Variants in OR9K2 observed in about 807,000 individuals in gnomAD.
OR9K2 encodes the protein olfactory receptor family 9 subfamily K member 2, also known as olfactory receptor 9K2.
Under a neutral mutation model 12.4 loss-of-function variants are expected in OR9K2, and 16 were observed. The observed-to-expected ratio is 1.29, with a 90% CI of 0.87 to 1.95. The LOEUF (loss-of-function observed/expected upper bound fraction) is 1.95. Ranked by LOEUF, OR9K2 falls within the 30% of genes most tolerant of loss-of-function variation. The pLI is 0.00. For missense variants in OR9K2, 434 were observed against 376.5 expected (o/e 1.15, Z -1.26); for synonymous variants, 133 against 133.2 (o/e 1.00, Z 0.01).
rs754482920 is a variant in OR9K2 at position 55,130,763 on chromosome 12, ATAT to A, written c.934_936del (p.Ile312del). 2.6e-6 allele frequency: 4 copies of A among 1,534,116 alleles called. No individual in the cohort carries two copies. In the East Asian group the frequency reaches 9.0e-5, roughly 35 times the overall value. On this transcript the variant is annotated inframe_deletion, in exon 3 of 3. Coordinates refer to ENST00000641329, the MANE Select transcript of OR9K2 (RefSeq NM_001005243.2). ...CTAAAAAAATTTCTAGAGAAGAAAA[ATAT>A]TATTCTTTGATTATTATTTCTCTTT...
In OR9K2 at chr12:55,130,693, A is replaced by G. The variant is rs775311843; in HGVS notation, c.859A>G (p.Asn287Asp). 90 of 1,611,984 alleles carry G rather than the reference A, an allele frequency of 5.6e-5. No homozygotes were observed. Among genetic ancestry groups the G allele is most frequent in the Non-Finnish European group, 7.6e-5 (90 of 1,178,244 alleles). The change falls in exon 3 of 3, where the codon AAT (asparagine) becomes GAT (aspartate). Residue 287 changes from asparagine to aspartate, a missense_variant. Coordinates refer to ENST00000641329, the MANE Select transcript of OR9K2 (RefSeq NM_001005243.2). ...LCYSLVTPML[N>D]PLIYSLRNKD... is the part of the protein sequence containing the mutation. ...TTACTCCCTAGTCACTCCCATGTTG[A>G]ATCCTTTGATTTACTCTCTGAGGAA...
chr12:55,127,071 A>T lies in OR9K2; in HGVS notation c.-10+160A>T, dbSNP rs549718694. ...TGTTACAATGTTTATAACATTTATG[A>T]TATAAATTTATTTTAATAAGTTTGT... is the stretch of plus-strand genomic sequence containing the variant. On this transcript the variant is annotated intron_variant, in intron 2 of 2. Transcript: ENST00000641329. Among the ~76,000 whole-genome samples the T allele has an allele frequency of 1.2e-4, 18 of 152,110 alleles. No homozygotes were observed. The South Asian group carries it at 3.3e-3, about 28-fold the overall frequency.
chr12:55,130,003 C>A lies in OR9K2; in HGVS notation c.169C>A (p.Arg57=), dbSNP rs764451872. 1 of 1,613,626 alleles carries A rather than the reference C, an allele frequency of 6.2e-7. No individual in the cohort carries two copies. The highest frequency in any genetic ancestry group is 1.3e-5 in the African/African-American group (1 of 74,886). Residue 57 remains arginine (R), a synonymous_variant, in exon 3 of 3, where the codon CGG becomes AGG. Transcript: ENST00000641329. ...GMMTIIMTDP[R]LNTPMYFFLG... ...GATGACCATTATTATGACTGATCCT[C>A]GGCTGAACACACCAATGTATTTTTT...
chr12:55,131,009 G>T lies in OR9K2; in HGVS notation c.*233G>T. The T allele has an allele frequency of 8.8e-6, 3 of 340,910 alleles. No individual in the cohort carries two copies. Among genetic ancestry groups the T allele is most frequent in the Non-Finnish European group, 1.1e-5 (2 of 187,610 alleles). 21.1% of individuals were successfully genotyped at this position (340,910 alleles called of 1,614,324 possible). A position where few individuals can be genotyped will look rare whatever the true frequency, so the allele number is the denominator to read the frequency against. The stretch of plus-strand genomic sequence containing the variant: ...TATTTTCATGATAAACCCTCTCACT[G>T]GTCTTCAACATTTTATTTCACAGAA... On this transcript the variant is annotated 3_prime_UTR_variant, in exon 3 of 3. Coordinates refer to ENST00000641329, the MANE Select transcript of OR9K2 (RefSeq NM_001005243.2).
intron 2 of OR9K2, among the ~76,000 whole-genome samples, chr12:55,127,638 T>C (rs1953438029): frequency 6.6e-6 from 1 of 152,014 alleles, no homozygotes; most frequent in Non-Finnish European, 1.5e-5. Flanking sequence ...ATTCCATTTC[T>C]CCAAGAGTTC....
In OR9K2 at chr12:55,130,855, G is replaced by A. The variant is rs981058390; in HGVS notation, c.*79G>A. ...GTTCATTAATAAAAGTTACTCTCCC[G>A]AATGTCATAAAAATACTCTTAGATG... On this transcript the variant is annotated 3_prime_UTR_variant, in exon 3 of 3. Transcript: ENST00000641329. 22 of 818,902 alleles carry A rather than the reference G, an allele frequency of 2.7e-5. No individual in the cohort carries two copies. Among genetic ancestry groups the A allele is most frequent in the Middle Eastern group, 3.2e-4 (1 of 3,136 alleles). The allele number at this position is 818,902 out of a possible 1,614,324, so 50.7% of individuals were successfully genotyped here.
In OR9K2 at chr12:55,131,549, TTACTTATC is replaced by T. The variant is rs1288889154; in HGVS notation, c.*776_*783del. 6.6e-6 allele frequency: 1 copy of T among 152,206 alleles called. No homozygotes were observed. Among genetic ancestry groups the T allele is most frequent in the Non-Finnish European group, 1.5e-5 (1 of 68,032 alleles). 9.4% of individuals were successfully genotyped at this position (152,206 alleles called of 1,614,324 possible). The stretch of plus-strand genomic sequence containing the variant: ...ATCAAAACGGATTATGATCCAAAAT[TTACTTATC>T]TATGCCTCTTAATATAGGTATATAT... On this transcript the variant is annotated 3_prime_UTR_variant, in exon 3 of 3. Coordinates refer to ENST00000641329, the MANE Select transcript of OR9K2 (RefSeq NM_001005243.2).
Position 55,130,330 on chromosome 12 carries a change from A to G in OR9K2, c.496A>G (p.Thr166Ala), listed in dbSNP as rs1384131086. The change falls in exon 3 of 3, where the codon ACA becomes GCA. Residue 166 changes from threonine (T) to alanine (A), a missense_variant. Physicochemically the swap from Thr to Ala is moderately conservative, Grantham distance 58. Coordinates refer to ENST00000641329, the MANE Select transcript of OR9K2 (RefSeq NM_001005243.2). The stretch of plus-strand genomic sequence containing the variant: ...TAGCTCAGTTATTCAGACTAGCATG[A>G]CATTTACTTTATCTTTTTGCGCTTC... ...CISSVIQTSM[T>A]FTLSFCASRA... 1 of 1,613,772 alleles carries G rather than the reference A, an allele frequency of 6.2e-7. No homozygotes were observed. Among genetic ancestry groups the G allele is most frequent in the Non-Finnish European group, 8.5e-7 (1 of 1,179,908 alleles).
At chr12:55,129,542 G>T in intron 2 of OR9K2, 1 of 518,632 alleles carries the variant, frequency 1.9e-6, no homozygotes, top group Non-Finnish European at 3.4e-6. Context: ...GTATAAAGAA[G>T]TGATACTTGG....
rs748923939 is a variant in OR9K2, at chr12:55,132,102, A to G, written c.*1326A>G. 6.6e-6 allele frequency: 1 copy of G among 152,210 alleles called. No homozygotes were observed. The highest frequency in any genetic ancestry group is 1.5e-5 in the Non-Finnish European group (1 of 68,034). 9.4% of individuals were successfully genotyped at this position (152,210 alleles called of 1,614,324 possible). A position where few individuals can be genotyped will look rare whatever the true frequency, so the allele number is the denominator to read the frequency against. ...GGGGAACTTTCTTGCCTTGATGAAC[A>G]TGTATGAAAAACCTACAGTGAACAT... On this transcript the variant is annotated 3_prime_UTR_variant, in exon 3 of 3. Transcript: ENST00000641329.
At position 55,130,170 on chromosome 12, in the gene OR9K2, G is replaced by A. The variant is rs139105553; in HGVS notation, c.336G>A (p.Val112=). The part of the protein sequence containing the change: ...AQLFLFALLI[V]TEGFLLAAMA... ...TCTTTCTCTTTGCCCTCCTCATTGT[G>A]ACTGAGGGATTTCTCCTGGCGGCCA... The change falls in exon 3 of 3, where the codon GTG becomes GTA. Residue 112 remains valine, a synonymous_variant. Coordinates refer to ENST00000641329, the MANE Select transcript of OR9K2 (RefSeq NM_001005243.2). The A allele has an allele frequency of 9.0e-5, 145 of 1,614,012 alleles. No homozygotes were observed. The African/African-American group carries it at 9.3e-4, about 10-fold the overall frequency.
intron 1 of OR9K2, 131 bp downstream of exon 1, chr12:55,126,647 A>T (rs1953430426): frequency 1.3e-5 from 2 of 152,198 alleles, no homozygotes; most frequent in Admixed American, 6.5e-5. Flanking sequence ...AACTACTGAA[A>T]AAAAGACTTT....
In OR9K2 at chr12:55,130,135, G is replaced by T. The variant is rs1359068047; in HGVS notation, c.301G>T (p.Val101Leu). 6.2e-7 allele frequency: 1 copy of T among 1,613,740 alleles called. No individual in the cohort carries two copies. The highest frequency in any genetic ancestry group is 8.5e-7 in the Non-Finnish European group (1 of 1,179,976). Residue 101 changes from valine to leucine, a missense_variant, in exon 3 of 3, where the codon GTG becomes TTG. Transcript: ENST00000641329. ...ENKSISFAGC[V>L]AQLFLFALLI... Reference sequence around the variant, plus strand: ...CAAGTCTATCTCCTTTGCAGGCTGTGTGGCCCAGCTCTTTCTCTTTGCCCT... The same window carrying T: ...CAAGTCTATCTCCTTTGCAGGCTGTTTGGCCCAGCTCTTTCTCTTTGCCCT...
rs1344081400 is a variant in OR9K2, at chr12:55,130,529, A to C, written c.695A>C (p.His232Pro). 1 of 1,613,684 alleles carries C rather than the reference A, an allele frequency of 6.2e-7. No homozygotes were observed. The highest frequency in any genetic ancestry group is 1.3e-5 in the African/African-American group (1 of 74,880). ...MYIVSTVLKIHSTEGHKKAFS... is the reference protein window; with the variant it reads ...MYIVSTVLKIPSTEGHKKAFS... ...ATTGTGTCCACAGTTCTAAAGATAC[A>C]TTCTACTGAGGGACATAAGAAGGCC... The change falls in exon 3 of 3, where the codon CAT (histidine) becomes CCT (proline). Residue 232 changes from histidine to proline, a missense_variant. Coordinates refer to ENST00000641329, the MANE Select transcript of OR9K2 (RefSeq NM_001005243.2).
chr12:55,130,336 A>G lies in OR9K2; in HGVS notation c.502A>G (p.Thr168Ala). The change falls in exon 3 of 3, where the codon ACT becomes GCT. Residue 168 changes from threonine to alanine, a missense_variant. By Grantham distance (58) the Thr-to-Ala change is moderately conservative. Coordinates refer to ENST00000641329, the MANE Select transcript of OR9K2 (RefSeq NM_001005243.2). ...SSVIQTSMTF[T>A]LSFCASRAVD... ...AGTTATTCAGACTAGCATGACATTT[A>G]CTTTATCTTTTTGCGCTTCTCGGGC... 2.5e-6 allele frequency: 4 copies of G among 1,613,942 alleles called. No individual in the cohort carries two copies. The highest frequency in any genetic ancestry group is 1.1e-5 in the South Asian group (1 of 91,064).
In OR9K2 at chr12:55,130,574, A is replaced by G; in HGVS notation, c.740A>G (p.His247Arg). The G allele has an allele frequency of 5.6e-6, 9 of 1,613,872 alleles. No homozygotes were observed. Among genetic ancestry groups the G allele is most frequent in the Non-Finnish European group, 7.6e-6 (9 of 1,179,856 alleles). Residue 247 changes from histidine to arginine, a missense_variant, in exon 3 of 3, where the codon CAC becomes CGC. Transcript: ENST00000641329. ...HKKAFSTCSS[H>R]LGVVSVLYGA... ...AAGGCCTTCTCCACCTGCAGCTCTC[A>G]CCTGGGAGTTGTGAGTGTGCTGTAT... is the stretch of plus-strand genomic sequence containing the variant.
chr12:55,130,376 A>T lies in OR9K2; in HGVS notation c.542A>T (p.Tyr181Phe). ...FCASRAVDHF[Y>F]CDSRPLQRLS... is the part of the protein sequence containing the mutation. ...GCTTCTCGGGCTGTTGACCACTTTT[A>T]CTGTGATTCTCGCCCACTTCAGAGA... Residue 181 changes from tyrosine to phenylalanine, a missense_variant, in exon 3 of 3, where the codon TAC becomes TTC. By Grantham distance (22) the Tyr-to-Phe change is conservative. Transcript: ENST00000641329. The T allele has an allele frequency of 1.2e-6, 2 of 1,613,896 alleles. No homozygotes were observed. The highest frequency in any genetic ancestry group is 1.7e-6 in the Non-Finnish European group (2 of 1,179,926).
At chr12:55,128,969 G>T (rs934579631) in intron 2 of OR9K2, among the ~76,000 whole-genome samples, 1 of 152,146 alleles carries the variant, frequency 6.6e-6, no homozygotes, top group African/African-American at 2.4e-5. Context: ...AGGGTGGAAG[G>T]TGGGAGGAGG....
intron 2 of OR9K2, among the ~76,000 whole-genome samples, 180 bp downstream of exon 2, chr12:55,127,091 G>A (rs6581017): frequency 0.32 from 49,119 of 151,226 alleles, 8,181 homozygotes; most frequent in Middle Eastern, 0.41. Context: ...ATTTTAATAA[G>A]TTTGTTTTTT....
Sources: gnomAD v4.1 joint callset for allele counts (sites outside exome capture counted in the v4.1 genomes callset) on GRCh38, gnomAD v4.1.1 for gene constraint, MANE v1.5 for transcripts, NCBI Gene and HGNC (gene_info 2026-07-23, HGNC 2026-07-21) for gene names.